SLCO2A1: variants seen among roughly 807,000 people sequenced by gnomAD.
SLCO2A1 encodes the protein matrin F/G 1.
A neutral mutation model predicts 71.7 loss-of-function variants in SLCO2A1; 60 were observed. The observed-to-expected ratio is 0.84, with a 90% CI of 0.68 to 1.04. SLCO2A1 has a LOEUF of 1.04. SLCO2A1 is among the 50% of genes least tolerant of loss of function. The pLI, the probability that SLCO2A1 is intolerant of heterozygous loss-of-function variation, is 0.00. For missense variants in SLCO2A1, 745 were observed against 813.4 expected, an observed-to-expected ratio of 0.92 and a Z score of 1.02; for synonymous variants, 308 against 326.7, an observed-to-expected ratio of 0.94 and a Z score of 0.62.
intron 1 of SLCO2A1, among the ~76,000 whole-genome samples, chr3:133,991,478 G>A (rs983126469): frequency 7.2e-5 from 11 of 152,186 alleles, no homozygotes; most frequent in African/African-American, 2.7e-4. Context: ...AAAGTTCAGA[G>A]ATTTAAAATA....
At chr3:134,026,822 C>A (rs1490132733) in intron 1 of SLCO2A1, among the ~76,000 whole-genome samples, 4 of 152,164 alleles carry the variant, frequency 2.6e-5, no homozygotes, top group African/African-American at 9.7e-5. Flanking sequence ...TATAGATAAT[C>A]AAGGGCAAGT....
rs1256721869 is a variant in SLCO2A1 at position 133,948,933 on chromosome 3, C to T, written c.900G>A (p.Glu300=). Residue 300 remains glutamate, a synonymous_variant, in exon 7 of 14, where the codon GAG becomes GAA. Transcript: ENST00000310926. ...PATADEARKL[E]EAKSRGSLVD... ...CCAGGGAGCCTCTTGACTTGGCCTC[C>T]TCCAACTTCCTTGCTTCATCTGCTG... The T allele has an allele frequency of 9.3e-6, 15 of 1,614,066 alleles. No individual in the cohort carries two copies. Among genetic ancestry groups the T allele is most frequent in the African/African-American group, 2.7e-5 (2 of 74,936 alleles).
At chr3:133,945,047 C>G (rs756411877) in intron 10 of SLCO2A1, 48 bp downstream of exon 10, 24 of 1,572,212 alleles carry the variant, frequency 1.5e-5, no homozygotes, top group Admixed American at 1.9e-5. Context: ...CGCTGAGCTC[C>G]GAGATCCTGT....
chr3:133,950,561 A>G (rs566721656), intron 6 of SLCO2A1, among the ~76,000 whole-genome samples: 1 of 152,224 alleles, frequency 6.6e-6, no homozygotes, highest in East Asian at 1.9e-4. Flanking sequence ...AACTCAACCT[A>G]GCTGCCATAT....
At chr3:133,943,954 C>G (rs750179816) in intron 10 of SLCO2A1, among the ~76,000 whole-genome samples, 21 of 152,222 alleles carry the variant, frequency 1.4e-4, no homozygotes, top group African/African-American at 4.6e-4. Context: ...ACACTAACTG[C>G]ACAGTCTTCT....
At chr3:133,980,824 A>G (rs1245508419) in intron 1 of SLCO2A1, among the ~76,000 whole-genome samples, 2 of 152,180 alleles carry the variant, frequency 1.3e-5, no homozygotes, top group East Asian at 3.9e-4. Context: ...CCATGTGTCC[A>G]TGCTCACAGC....
intron 1 of SLCO2A1, among the ~76,000 whole-genome samples, chr3:133,995,382 C>G (rs1033761355): frequency 6.6e-6 from 1 of 152,192 alleles, no homozygotes; most frequent in African/African-American, 2.4e-5. Flanking sequence ...TCCCCACCAC[C>G]GTGGCTGCCT....
intron 5 of SLCO2A1, among the ~76,000 whole-genome samples, chr3:133,952,592 GC>G (rs1933772145): frequency 6.6e-6 from 1 of 152,232 alleles, no homozygotes; most frequent in Non-Finnish European, 1.5e-5. Flanking sequence ...AAGGCAGGAA[GC>G]CCTTGCTCCA....
rs781349828 is a variant in SLCO2A1 at position 133,942,666 on chromosome 3, T to A, written c.1564A>T (p.Ile522Phe). 4 of 1,613,150 alleles carry A rather than the reference T, an allele frequency of 2.5e-6. No individual in the cohort carries two copies. The highest frequency in any genetic ancestry group is 1.1e-5 in the South Asian group (1 of 90,986). ...AHFLLPAIFL[I>F]SFVSLIACIS... ...CAGGCTATCAGGGACACGAAGGAGA[T>A]GAGGAAGATGGCCGGGAGCAGGAAG... The change falls in exon 11 of 14, where the codon ATC becomes TTC. Residue 522 changes from isoleucine (I) to phenylalanine (F), a missense_variant. Ile to Phe is a conservative substitution (Grantham distance 21). Coordinates refer to ENST00000310926, the MANE Select transcript of SLCO2A1 (RefSeq NM_005630.3).
At chr3:134,005,537 A>G (rs1935194594) in intron 1 of SLCO2A1, among the ~76,000 whole-genome samples, 1 of 142,188 alleles carries the variant, frequency 7.0e-6, no homozygotes, top group Non-Finnish European at 1.5e-5. Flanking sequence ...GCTGGAGTGC[A>G]GTGGCGCAAT....
intron 1 of SLCO2A1, among the ~76,000 whole-genome samples, chr3:134,005,207 G>T (rs1361730308): frequency 6.6e-6 from 1 of 152,188 alleles, no homozygotes; most frequent in Non-Finnish European, 1.5e-5. Flanking sequence ...GTCAGTTTTA[G>T]ACATTACAAA....
At chr3:134,019,010 C>T (rs1935517564) in intron 1 of SLCO2A1, among the ~76,000 whole-genome samples, 1 of 152,188 alleles carries the variant, frequency 6.6e-6, no homozygotes. Flanking sequence ...CCACTGGGAG[C>T]ATCCACCTGA....
intron 1 of SLCO2A1, among the ~76,000 whole-genome samples, chr3:134,005,171 T>C (rs1401007359): frequency 2.0e-5 from 3 of 152,250 alleles, no homozygotes; most frequent in African/African-American, 7.2e-5. Flanking sequence ...TCAAGATTCC[T>C]TGTGCATTCT....
chr3:133,961,342 C>T (rs535952193), intron 3 of SLCO2A1, among the ~76,000 whole-genome samples: 9 of 152,112 alleles, frequency 5.9e-5, no homozygotes, highest in East Asian at 1.9e-4. Flanking sequence ...GAAACATCAC[C>T]GGGAAAAGAA....
At chr3:133,959,991 G>A (rs1225668896) in intron 3 of SLCO2A1, among the ~76,000 whole-genome samples, 5 of 152,030 alleles carry the variant, frequency 3.3e-5, no homozygotes, top group Non-Finnish European at 4.4e-5. Context: ...ATGGTGGCTC[G>A]CACTTGTAGT....
At chr3:133,935,534 G>A (rs2108035276) in intron 13 of SLCO2A1, among the ~76,000 whole-genome samples, 1 of 152,224 alleles carries the variant, frequency 6.6e-6, no homozygotes, top group South Asian at 2.1e-4. Context: ...AAGTCCCTGG[G>A]TCTGCTGCCC....
chr3:133,934,818 C>T lies in SLCO2A1; in HGVS notation c.1827G>A (p.Leu609=), dbSNP rs141699948. 12 of 1,610,988 alleles carry T rather than the reference C, an allele frequency of 7.4e-6. No individual in the cohort carries two copies. Among genetic ancestry groups the T allele is most frequent in the East Asian group, 2.2e-5 (1 of 44,870 alleles). Residue 609 remains leucine (L), a synonymous_variant, in exon 14 of 14, where the codon CTG becomes CTA. Transcript: ENST00000310926. Reference sequence around the variant, plus strand: ...TGCCCAGCGCCTTGTAGCCCATCTGCAGGCCCAGGTACCTGTGGGCAGGAG... The same window carrying T: ...TGCCCAGCGCCTTGTAGCCCATCTGTAGGCCCAGGTACCTGTGGGCAGGAG... ...NDALRDRYLG[L]QMGYKALGML... is the part of the protein sequence containing the mutation.
intron 1 of SLCO2A1, among the ~76,000 whole-genome samples, chr3:134,011,416 A>T (rs7653639): frequency 0.2 from 30,236 of 152,188 alleles, 3,143 homozygotes; most frequent in African/African-American, 0.23. Flanking sequence ...CTGAGGACTG[A>T]AGAAGAAGGA....
intron 3 of SLCO2A1, among the ~76,000 whole-genome samples, chr3:133,956,031 A>C (rs1329428074): frequency 6.6e-6 from 1 of 152,018 alleles, no homozygotes; most frequent in Non-Finnish European, 1.5e-5. Context: ...AATTTGGCCC[A>C]CACTAAGCAA....
Sources: gnomAD v4.1 joint callset for allele counts (sites outside exome capture counted in the v4.1 genomes callset) on GRCh38, gnomAD v4.1.1 for gene constraint, MANE v1.5 for transcripts, NCBI Gene and HGNC (gene_info 2026-07-23, HGNC 2026-07-21) for gene names.